Variants in MAGI1 observed in about 807,000 individuals in gnomAD.
The protein encoded by MAGI1 is membrane associated guanylate kinase, WW and PDZ domain containing 1, also known as membrane-associated guanylate kinase, WW and PDZ domain-containing protein 1.
Under a neutral mutation model 139.9 loss-of-function variants are expected in MAGI1, and 58 were observed. That is an observed-to-expected ratio of 0.41 (90% CI 0.34 to 0.52). The LOEUF is 0.52. Among genes scored for constraint, MAGI1 ranks in the 20% least tolerant of loss-of-function variants. The pLI is 0.12. For missense variants in MAGI1, 1,874 were observed against 1,901.6 expected (o/e 0.99, Z 0.27); for synonymous variants, 812 against 737.9 (o/e 1.10, Z -1.63).
Position 65,429,780 on chromosome 3 carries a change from G to A in MAGI1, c.1907C>T (p.Ala636Val). 1 of 1,613,980 alleles carries A rather than the reference G, an allele frequency of 6.2e-7. No individual in the cohort carries two copies. Among genetic ancestry groups the A allele is most frequent in the East Asian group, 2.2e-5 (1 of 44,820 alleles). Reference sequence around the variant, plus strand: ...AACAGTTATGAGTTCTGGCTGAGTGGCTATGGAGGAAGCCAAAGAAACAGT... The same window carrying A: ...AACAGTTATGAGTTCTGGCTGAGTGACTATGGAGGAAGCCAAAGAAACAGT... ...NDTVSLASSIATQPELITVHI... is the reference protein window; with the variant it reads ...NDTVSLASSIVTQPELITVHI... The change falls in exon 12 of 23, where the codon GCC becomes GTC. Residue 636 changes from alanine (A) to valine (V), a missense_variant. Ala to Val is a moderately conservative substitution (Grantham distance 64, BLOSUM62 0). Transcript: ENST00000402939.
At chr3:65,370,665 G>C (rs1019910856) in intron 18 of MAGI1, among the ~76,000 whole-genome samples, 8 of 152,066 alleles carry the variant, frequency 5.3e-5, no homozygotes, top group Non-Finnish European at 8.8e-5. Flanking sequence ...CTGAGACATG[G>C]TCTCAGTCTG....
intron 1 of MAGI1, among the ~76,000 whole-genome samples, chr3:65,840,538 A>G (rs375095059): frequency 4.6e-5 from 7 of 152,176 alleles, no homozygotes; most frequent in African/African-American, 1.7e-4. Flanking sequence ...TTTCTTTCTT[A>G]GCCTGTCAAT....
At chr3:65,723,009 C>G (rs1445541136) in intron 1 of MAGI1, among the ~76,000 whole-genome samples, 1 of 151,648 alleles carries the variant, frequency 6.6e-6, no homozygotes, top group Non-Finnish European at 1.5e-5. Flanking sequence ...ATTTGGAGCT[C>G]AAAGATCACT....
intron 1 of MAGI1, among the ~76,000 whole-genome samples, chr3:66,019,436 T>G (rs2067847013): frequency 6.6e-6 from 1 of 152,214 alleles, no homozygotes; most frequent in African/African-American, 2.4e-5. Flanking sequence ...AAGGCAACAT[T>G]ACCTCAGTTG....
chr3:65,743,850 C>G (rs1402576808), intron 1 of MAGI1, among the ~76,000 whole-genome samples: 1 of 151,670 alleles, frequency 6.6e-6, no homozygotes, highest in Non-Finnish European at 1.5e-5. Flanking sequence ...GAGTGGAACA[C>G]ATTTTAATAT....
intron 1 of MAGI1, among the ~76,000 whole-genome samples, chr3:65,698,868 T>A (rs2089399365): frequency 7.9e-6 from 1 of 126,484 alleles, no homozygotes; most frequent in African/African-American, 3.4e-5. Context: ...AAGACAAAAC[T>A]GACAAATGGG....
intron 3 of MAGI1, among the ~76,000 whole-genome samples, chr3:65,488,511 ATT>A (rs11360866): frequency 6.6e-6 from 1 of 150,780 alleles, no homozygotes. Flanking sequence ...TAATTTTTAT[ATT>A]TTTTTTTGGT....
At chr3:65,716,994 A>G (rs1277857838) in intron 1 of MAGI1, among the ~76,000 whole-genome samples, 1 of 152,188 alleles carries the variant, frequency 6.6e-6, no homozygotes, top group Admixed American at 6.5e-5. Flanking sequence ...ATCTGTGAAT[A>G]TGTTCCCTTA....
At chr3:65,844,190 C>A in intron 1 of MAGI1, 2 of 511,176 alleles carry the variant, frequency 3.9e-6, no homozygotes, top group South Asian at 1.4e-5. Context: ...TGCAGAGAGT[C>A]ATGCTGAACT....
intron 1 of MAGI1, among the ~76,000 whole-genome samples, chr3:65,816,724 A>G (rs2041628287): frequency 6.6e-6 from 1 of 152,208 alleles, no homozygotes; most frequent in Admixed American, 6.5e-5. Context: ...TCTTCAGGTC[A>G]GTGTTAATTT....
At chr3:65,363,285 G>A (rs1673069758) in intron 21 of MAGI1, among the ~76,000 whole-genome samples, 180 bp downstream of exon 21, 1 of 152,164 alleles carries the variant, frequency 6.6e-6, no homozygotes, top group African/African-American at 2.4e-5. Context: ...AACTTTAGCA[G>A]CTATAATTAA....
chr3:65,493,112 A>T (rs1195586058), intron 3 of MAGI1, among the ~76,000 whole-genome samples: 2 of 151,630 alleles, frequency 1.3e-5, no homozygotes, highest in Non-Finnish European at 2.9e-5. Context: ...TTTATGAATC[A>T]CATAAAAATA....
intron 1 of MAGI1, among the ~76,000 whole-genome samples, chr3:65,999,750 T>C (rs1273506614): frequency 1.3e-5 from 2 of 152,012 alleles, no homozygotes; most frequent in African/African-American, 2.4e-5. Context: ...TAAGAACTAG[T>C]TGCATCATGT....
chr3:65,654,274 T>C (rs893385896), intron 1 of MAGI1, among the ~76,000 whole-genome samples: 3 of 152,188 alleles, frequency 2.0e-5, no homozygotes, highest in Non-Finnish European at 4.4e-5. Flanking sequence ...CTGTTGTCAT[T>C]TGATGCTTTC....
At chr3:65,895,487 C>A (rs759187253) in intron 1 of MAGI1, among the ~76,000 whole-genome samples, 59 of 152,186 alleles carry the variant, frequency 3.9e-4, no homozygotes, top group Non-Finnish European at 7.3e-4. Context: ...ACAATTCATT[C>A]GAGAAGGCAA....
At chr3:65,976,059 G>C (rs550238050) in intron 1 of MAGI1, among the ~76,000 whole-genome samples, 1 of 152,112 alleles carries the variant, frequency 6.6e-6, no homozygotes, top group African/African-American at 2.4e-5. Flanking sequence ...GTTGTCCTTT[G>C]CAAGTGTTTC....
rs79598000 is a variant in MAGI1 at position 65,961,223 on chromosome 3, G to A, written c.313+76773C>T. Reference sequence around the variant, plus strand: ...CATTAAAGGTAGGACAGACAGCTAGGAAACGAACTGGTCTCTGTCCAGTCG... The same window carrying A: ...CATTAAAGGTAGGACAGACAGCTAGAAAACGAACTGGTCTCTGTCCAGTCG... On this transcript the variant is annotated intron_variant, in intron 1 of 22. Transcript: ENST00000402939. Among the ~76,000 whole-genome samples the A allele has an allele frequency of 9.5e-4, 145 of 152,300 alleles. 3 individuals are homozygous for A. The East Asian group carries it at 0.025, about 27-fold the overall frequency.
intron 1 of MAGI1, among the ~76,000 whole-genome samples, chr3:65,802,092 C>G (rs944895260): frequency 6.6e-6 from 1 of 152,130 alleles, no homozygotes; most frequent in African/African-American, 2.4e-5. Flanking sequence ...ACTCAACCTC[C>G]TGGAAAATTT....
Position 65,356,970 on chromosome 3 carries a change from G to A in MAGI1, c.3797C>T (p.Pro1266Leu), listed in dbSNP as rs1214834973. ...HGEKRAHARD[P>L]KGSREYSRQP... ...TCTGCTATACTCTCTGCTGCCTTTC[G>A]GATCCCTTGCGTGTGCCCGCTTTTC... is the stretch of plus-strand genomic sequence containing the variant. Residue 1266 changes from proline to leucine, a missense_variant, in exon 23 of 23, where the codon CCG becomes CTG. Physicochemically the swap from Pro to Leu is moderately conservative, Grantham distance 98. Coordinates refer to ENST00000402939, the MANE Select transcript of MAGI1 (RefSeq NM_001033057.2). 3.1e-6 allele frequency: 5 copies of A among 1,614,146 alleles called. No individual in the cohort carries two copies. The highest frequency in any genetic ancestry group is 1.1e-5 in the South Asian group (1 of 91,090).
Sources: allele counts gnomAD v4.1 joint callset (sites outside exome capture counted in the v4.1 genomes callset), GRCh38; gene constraint gnomAD v4.1.1; transcripts MANE v1.5; gene names NCBI Gene and HGNC (gene_info 2026-07-23, HGNC 2026-07-21).